PCDHA4: variants seen among roughly 807,000 people sequenced by gnomAD.
The protein encoded by PCDHA4 is protocadherin alpha 4, also known as protocadherin alpha-4.
A neutral mutation model predicts 61.4 loss-of-function variants in PCDHA4; 49 were observed. The ratio of observed to expected loss-of-function variants is 0.80; its 90% confidence interval spans 0.63 to 1.01. PCDHA4 has a LOEUF of 1.01. PCDHA4 is among the 50% of genes least tolerant of loss of function. PCDHA4 has a pLI of 0.00. For missense variants in PCDHA4, 1,254 were observed against 1,235.8 expected, an observed-to-expected ratio of 1.01 and a Z score of -0.22; for synonymous variants, 590 against 550.3, an observed-to-expected ratio of 1.07 and a Z score of -1.01.
intron 1 of PCDHA4, chr5:140,822,495 A>C (rs2150116798): frequency 6.2e-7 from 1 of 1,613,888 alleles, no homozygotes; most frequent in Non-Finnish European, 8.5e-7. Context: ...ACGCCCCAGA[A>C]TTTGATAAAT....
At chr5:140,937,869 G>A (rs1268422806) in intron 1 of PCDHA4, among the ~76,000 whole-genome samples, 1 of 150,376 alleles carries the variant, frequency 6.6e-6, no homozygotes, top group African/African-American at 2.5e-5. Flanking sequence ...CCGAGATCGC[G>A]CCACTGCACT....
rs2096830970 is a variant in PCDHA4, at chr5:140,978,991, A to C, written c.2428A>C (p.Arg810=). Residue 810 remains arginine, a synonymous_variant, in exon 2 of 4, where the codon AGA becomes CGA. Coordinates refer to ENST00000530339, the MANE Select transcript of PCDHA4 (RefSeq NM_018907.4). ...TGACTGGCGTTACTCTGCCTCCCTG[A>C]GAGCAGGCATGCACAGGTATGTATT... ...NPDWRYSASL[R]AGMHSSVHLE... is the part of the protein sequence containing the mutation. 1.2e-6 allele frequency: 2 copies of C among 1,614,188 alleles called. No individual in the cohort carries two copies. Among genetic ancestry groups the C allele is most frequent in the East Asian group, 2.2e-5 (1 of 44,882 alleles).
intron 1 of PCDHA4, among the ~76,000 whole-genome samples, chr5:140,916,143 T>A (rs1237563249): frequency 4.6e-5 from 7 of 152,012 alleles, no homozygotes; most frequent in Non-Finnish European, 8.8e-5. Context: ...GCTGTTCAGT[T>A]GTGTTGTGGT....
chr5:140,913,764 T>C (rs2076457452), intron 1 of PCDHA4, among the ~76,000 whole-genome samples: 1 of 152,162 alleles, frequency 6.6e-6, no homozygotes, highest in Admixed American at 6.5e-5. Flanking sequence ...TCATAGGTTT[T>C]GGCATGTTGT....
intron 1 of PCDHA4, among the ~76,000 whole-genome samples, chr5:140,838,075 ATAGTGTGTGTGTGTGTGTGTGTGTGTGT>A (rs1454166175): frequency 1.6e-5 from 2 of 128,136 alleles, no homozygotes; most frequent in Non-Finnish European, 3.3e-5. Flanking sequence ...TTATATATAT[ATAGTGTGTGTGTGTGTGTGTGTGTGTGT>A]GTGTGTGTGT....
chr5:140,821,951 T>G (rs2150112237), intron 1 of PCDHA4: 2 of 1,614,172 alleles, frequency 1.2e-6, no homozygotes, highest in South Asian at 2.2e-5. Context: ...GCGGAGCTGG[T>G]GCCGCGCCTG....
rs782568724 is a variant in PCDHA4, at chr5:140,927,659, A to C, written c.2386-51290A>C. Reference sequence around the variant, plus strand: ...AATGGGACTGTGTTATTCCGAGTTCAAGCCTTGGATCCAGATGAAGGGTCC... The same window carrying C: ...AATGGGACTGTGTTATTCCGAGTTCCAGCCTTGGATCCAGATGAAGGGTCC... On this transcript the variant is annotated intron_variant, in intron 1 of 3. Coordinates refer to ENST00000530339, the MANE Select transcript of PCDHA4 (RefSeq NM_018907.4). 4 of 1,614,108 alleles carry C rather than the reference A, an allele frequency of 2.5e-6. No homozygotes were observed. In the East Asian group the frequency reaches 6.7e-5, roughly 27 times the overall value.
chr5:140,829,810 T>A, intron 1 of PCDHA4: 1 of 1,613,866 alleles, frequency 6.2e-7, no homozygotes, highest in Non-Finnish European at 8.5e-7. Flanking sequence ...TGGGTGGTAC[T>A]GGTGGTGCAG....
At chr5:140,858,195 A>G in intron 1 of PCDHA4, 1 of 1,597,156 alleles carries the variant, frequency 6.3e-7, no homozygotes, top group East Asian at 2.2e-5. Flanking sequence ...CTGCTGCTGT[A>G]CACTGCACTG....
At chr5:140,973,398 C>G (rs2096585734) in intron 1 of PCDHA4, among the ~76,000 whole-genome samples, 1 of 152,230 alleles carries the variant, frequency 6.6e-6, no homozygotes, top group East Asian at 1.9e-4. Flanking sequence ...GAAATCATAT[C>G]TATGAGCTTC....
At chr5:140,866,557 A>G (rs1554160392) in intron 1 of PCDHA4, 1 of 152,136 alleles carries the variant, frequency 6.6e-6, no homozygotes, top group Non-Finnish European at 1.5e-5. Context: ...TAAATCCTAT[A>G]ATTTTGTTAA....
chr5:140,908,186 G>A (rs189627133), intron 1 of PCDHA4, among the ~76,000 whole-genome samples: 52 of 152,292 alleles, frequency 3.4e-4, no homozygotes, highest in African/African-American at 1.2e-3. Context: ...CCACTTTCAG[G>A]TGGTGGACAT....
At chr5:140,856,183 C>T (rs1337355592) in intron 1 of PCDHA4, 8 of 1,598,070 alleles carry the variant, frequency 5.0e-6, no homozygotes, top group African/African-American at 2.7e-5. Flanking sequence ...CCTTCGTGGG[C>T]CGCATCGCGC....
At chr5:140,877,153 A>C in intron 1 of PCDHA4, 1 of 1,613,798 alleles carries the variant, frequency 6.2e-7, no homozygotes, top group Non-Finnish European at 8.5e-7. Flanking sequence ...CGAGAACGAC[A>C]ACGCGCCGGC....
At chr5:140,924,064 G>T (rs1584331926) in intron 1 of PCDHA4, among the ~76,000 whole-genome samples, 1 of 152,172 alleles carries the variant, frequency 6.6e-6, no homozygotes. Context: ...CTTTACAGTT[G>T]TATTTCATCT....
intron 1 of PCDHA4, among the ~76,000 whole-genome samples, chr5:140,872,927 T>A (rs1020178513): frequency 3.9e-5 from 6 of 152,216 alleles, no homozygotes; most frequent in African/African-American, 1.4e-4. Flanking sequence ...TTATCTCTAA[T>A]GTTTTTGAAA....
chr5:140,822,419 A>G (rs2150116239), intron 1 of PCDHA4: 1 of 1,614,096 alleles, frequency 6.2e-7, no homozygotes, highest in South Asian at 1.1e-5. Flanking sequence ...ATTGCAACTG[A>G]TGGAGGAAAA....
chr5:140,997,859 T>C (rs2097788506), intron 3 of PCDHA4, among the ~76,000 whole-genome samples: 1 of 152,216 alleles, frequency 6.6e-6, no homozygotes, highest in Non-Finnish European at 1.5e-5. Context: ...TACATATTTC[T>C]TATGCATGCT....
At chr5:140,821,335 T>C (rs1766950723) in intron 1 of PCDHA4, among the ~76,000 whole-genome samples, 1 of 152,206 alleles carries the variant, frequency 6.6e-6, no homozygotes. Flanking sequence ...TAGTAAGGAT[T>C]GGGGTTTCAT....
Sources: gnomAD v4.1 joint callset for allele counts (sites outside exome capture counted in the v4.1 genomes callset) on GRCh38, gnomAD v4.1.1 for gene constraint, MANE v1.5 for transcripts, NCBI Gene and HGNC (gene_info 2026-07-23, HGNC 2026-07-21) for gene names.